NRF1: variants seen among roughly 807,000 people sequenced by gnomAD.
The protein encoded by NRF1 is alpha palindromic-binding protein.
Under a neutral mutation model 58.5 loss-of-function variants are expected in NRF1, and 5 were observed. The ratio of observed to expected loss-of-function variants is 0.09; its 90% confidence interval spans 0.04 to 0.18. The LOEUF is 0.18. NRF1 is among the 10% of genes least tolerant of loss of function. NRF1 has a pLI of 1.00. For synonymous variants in NRF1, 224 were observed against 246.7 expected (o/e 0.91, Z 0.86); for missense variants, 288 against 657.7 (o/e 0.44, Z 6.15).
intron 3 of NRF1, among the ~76,000 whole-genome samples, chr7:129,676,476 G>A (rs553096466): frequency 2.0e-5 from 3 of 152,340 alleles, no homozygotes; most frequent in Admixed American, 6.5e-5. Flanking sequence ...GTGTCTCAGG[G>A]AACAGGAAGG....
intron 1 of NRF1, among the ~76,000 whole-genome samples, chr7:129,644,692 C>G (rs1388182712): frequency 1.3e-5 from 2 of 152,140 alleles, no homozygotes; most frequent in African/African-American, 2.4e-5. Flanking sequence ...AATCCAGAAC[C>G]TATAAGAGAG....
chr7:129,708,145 T>C (rs552929894), intron 5 of NRF1, among the ~76,000 whole-genome samples: 22 of 152,302 alleles, frequency 1.4e-4, no homozygotes, highest in African/African-American at 5.3e-4. Flanking sequence ...TACTTATATC[T>C]GGAGTGCTAT....
intron 1 of NRF1, among the ~76,000 whole-genome samples, chr7:129,650,400 T>C (rs1644374561): frequency 1.3e-5 from 2 of 152,200 alleles, no homozygotes; most frequent in Admixed American, 1.3e-4. Flanking sequence ...CTTGGTTTCC[T>C]ATAGTTTCTT....
At chr7:129,734,656 G>T (rs527535537) in intron 10 of NRF1, among the ~76,000 whole-genome samples, 1 of 152,324 alleles carries the variant, frequency 6.6e-6, no homozygotes, top group African/African-American at 2.4e-5. Flanking sequence ...AGGTCTGTAT[G>T]CTTCTCCGGT....
intron 4 of NRF1, among the ~76,000 whole-genome samples, chr7:129,685,862 A>C (rs1355416913): frequency 6.6e-6 from 1 of 151,554 alleles, no homozygotes; most frequent in Non-Finnish European, 1.5e-5. Flanking sequence ...TAATCCCAGC[A>C]CTTTGGGAGG....
intron 5 of NRF1, 102 bp downstream of exon 5, chr7:129,690,648 G>T: frequency 8.1e-7 from 1 of 1,239,042 alleles, no homozygotes. Context: ...ATCTGACCAG[G>T]GAGTGAGATG....
At position 129,736,620 on chromosome 7, in the gene NRF1, G is replaced by C. The variant is rs1204357966; in HGVS notation, c.1348+9255G>C. On this transcript the variant is annotated intron_variant, in intron 10 of 10. Coordinates refer to ENST00000393232, the MANE Select transcript of NRF1 (RefSeq NM_005011.5). ...TACAAAGGTATTTGTATTTTTTTTT[G>C]GTATCTATAGCTTTTTTTTTTTTCT... Among the ~76,000 whole-genome samples the C allele has an allele frequency of 3.3e-5, 4 of 121,250 alleles. No homozygotes were observed. In the Admixed American group the frequency reaches 4.1e-4, roughly 13 times the overall value. The allele number at this position is 121,250 out of a possible 152,430, so 79.5% of individuals were successfully genotyped here.
intron 1 of NRF1, among the ~76,000 whole-genome samples, chr7:129,654,192 T>G (rs920000108): frequency 6.6e-6 from 1 of 152,252 alleles, no homozygotes; most frequent in Non-Finnish European, 1.5e-5. Flanking sequence ...GATATCTCAC[T>G]GTTTTAATTT....
rs1408852672 is a variant in NRF1 at position 129,741,349 on chromosome 7, T to C, written c.1349-13669T>C. Among the ~76,000 whole-genome samples the C allele has an allele frequency of 6.6e-6, 1 of 152,234 alleles. No individual in the cohort carries two copies. Among genetic ancestry groups the C allele is most frequent in the African/African-American group, 2.4e-5 (1 of 41,456 alleles). ...AGTTACATGCTTCTTTGTCTCATTC[T>C]CCTTCCCTTTAGGTCCGCAGATCTT... On this transcript the variant is annotated intron_variant, in intron 10 of 10. Coordinates refer to ENST00000393232, the MANE Select transcript of NRF1 (RefSeq NM_005011.5). The surrounding 1 kb of genome is among the most constrained non-coding windows in gnomAD (Gnocchi z 4.0).
At chr7:129,693,768 G>A (rs1584646889) in intron 5 of NRF1, among the ~76,000 whole-genome samples, 1 of 152,294 alleles carries the variant, frequency 6.6e-6, no homozygotes, top group African/African-American at 2.4e-5. Context: ...TCTAGTTGAT[G>A]TGAAGAATCT....
At chr7:129,735,029 A>G in intron 10 of NRF1, 1 of 984,756 alleles carries the variant, frequency 1.0e-6, no homozygotes, top group Non-Finnish European at 1.2e-6. Flanking sequence ...TTATTGGCTT[A>G]TTTGTTTCCC....
intron 1 of NRF1, among the ~76,000 whole-genome samples, chr7:129,624,147 C>T (rs1800864937): frequency 6.6e-6 from 1 of 152,136 alleles, no homozygotes; most frequent in South Asian, 2.1e-4. Context: ...TTGATTCACC[C>T]CCAGATACCA....
chr7:129,693,032 T>C (rs1584646306), intron 5 of NRF1, among the ~76,000 whole-genome samples: 1 of 152,246 alleles, frequency 6.6e-6, no homozygotes, highest in African/African-American at 2.4e-5. Flanking sequence ...TGTATACTTA[T>C]TTGTGGTCTC....
chr7:129,650,712 C>T (rs199845992), intron 1 of NRF1, among the ~76,000 whole-genome samples: 7 of 151,536 alleles, frequency 4.6e-5, no homozygotes, highest in East Asian at 1.9e-4. Flanking sequence ...CATCCTTTTG[C>T]GAATAGGTAG....
chr7:129,745,029 T>C (rs1803940467), intron 10 of NRF1, among the ~76,000 whole-genome samples: 1 of 152,052 alleles, frequency 6.6e-6, no homozygotes. Flanking sequence ...AAAGTAATAA[T>C]AACAGAAAAA....
chr7:129,754,954 G>T, intron 10 of NRF1, 64 bp from the exon 11 acceptor site: 1 of 1,469,094 alleles, frequency 6.8e-7, no homozygotes, highest in Non-Finnish European at 9.1e-7. Context: ...GGGTGCCCCC[G>T]TCCAGCCAGC....
At chr7:129,688,947 G>A (rs35749792) in intron 4 of NRF1, among the ~76,000 whole-genome samples, 1 of 146,116 alleles carries the variant, frequency 6.8e-6, no homozygotes, top group African/African-American at 2.4e-5. Flanking sequence ...GTGTGTGTGT[G>A]TGAGTAGGCA....
intron 8 of NRF1, 148 bp from the exon 9 acceptor site, chr7:129,717,071 C>A: frequency 1.4e-6 from 1 of 705,662 alleles, no homozygotes; most frequent in Non-Finnish European, 2.3e-6. Flanking sequence ...AGGTAGCATG[C>A]TTAAAGCTCT....
intron 1 of NRF1, among the ~76,000 whole-genome samples, chr7:129,626,191 A>G (rs1800915622): frequency 6.6e-6 from 1 of 152,196 alleles, no homozygotes; most frequent in African/African-American, 2.4e-5. Flanking sequence ...AGGAAAATTC[A>G]TATTAAATAC....
Sources: allele counts gnomAD v4.1 joint callset (sites outside exome capture counted in the v4.1 genomes callset), GRCh38; gene constraint gnomAD v4.1.1; non-coding constraint Gnocchi (gnomAD v3.1); transcripts MANE v1.5; gene names NCBI Gene and HGNC (gene_info 2026-07-23, HGNC 2026-07-21).